GSK3A: variants seen among roughly 807,000 people sequenced by gnomAD.
GSK3A encodes glycogen synthase kinase-3 alpha.
GSK3A carries 14 observed loss-of-function variants against 56.6 expected under a neutral mutation model. That is an observed-to-expected ratio of 0.25 (90% CI 0.16 to 0.39). The LOEUF is 0.39. Among genes scored for constraint, GSK3A ranks in the 10% least tolerant of loss-of-function variants. GSK3A has a pLI of 1.00. For synonymous variants in GSK3A, 301 were observed against 285.0 expected, an observed-to-expected ratio of 1.06 and a Z score of -0.56; for missense variants, 450 against 656.0, an observed-to-expected ratio of 0.69 and a Z score of 3.43.
Position 42,238,408 on chromosome 19 carries a change from C to A in GSK3A, c.472-1467G>T, listed in dbSNP as rs2036271186. Among the ~76,000 whole-genome samples the A allele has an allele frequency of 2.7e-5, 4 of 149,262 alleles. No homozygotes were observed. The South Asian group carries it at 8.4e-4, about 32-fold the overall frequency. The stretch of plus-strand genomic sequence containing the variant: ...AAAAAAAAAAAAAAAAAAATAGAGA[C>A]CATCCTGGCTAACTCGGTGAAACCC... On this transcript the variant is annotated intron_variant, in intron 2 of 10. Coordinates refer to ENST00000222330, the MANE Select transcript of GSK3A (RefSeq NM_019884.3).
intron 4 of GSK3A, among the ~76,000 whole-genome samples, chr19:42,235,020 G>A (rs535995771): frequency 5.3e-5 from 8 of 152,186 alleles, no homozygotes; most frequent in African/African-American, 1.9e-4. Flanking sequence ...CCAGCTACTC[G>A]GGAGGCTGAG....
chr19:42,237,081 T>C, intron 2 of GSK3A, 140 bp from the exon 3 acceptor site: 1 of 679,400 alleles, frequency 1.5e-6, no homozygotes, highest in Non-Finnish European at 2.7e-6. Flanking sequence ...CCCCAATTCC[T>C]TGTCTCCAGA....
chr19:42,230,778 G>C lies in GSK3A; in HGVS notation c.*16C>G, dbSNP rs768175091. On this transcript the variant is annotated 3_prime_UTR_variant, in exon 11 of 11. Coordinates refer to ENST00000222330, the MANE Select transcript of GSK3A (RefSeq NM_019884.3). The stretch of plus-strand genomic sequence containing the variant: ...GGGGCTCCCAGATGGAAGTGGAAGG[G>C]TGCTTGGTGGGGCCCTCAGGAGGAG... 6.5e-7 allele frequency: 1 copy of C among 1,544,770 alleles called. No homozygotes were observed. Among genetic ancestry groups the C allele is most frequent in the Non-Finnish European group, 8.8e-7 (1 of 1,139,134 alleles).
Position 42,242,305 on chromosome 19 carries a change from C to A in GSK3A, c.161G>T (p.Gly54Val). The A allele has an allele frequency of 6.9e-7, 1 of 1,440,060 alleles. No individual in the cohort carries two copies. The highest frequency in any genetic ancestry group is 9.1e-7 in the Non-Finnish European group (1 of 1,103,014). The allele number at this position is 1,440,060 out of a possible 1,614,324, so 89.2% of individuals were successfully genotyped here. A position where few individuals can be genotyped will look rare whatever the true frequency, so the allele number is the denominator to read the frequency against. ...GGCCCCGACGCCCCCACCCATGGCCCCGACAGATGCCTTTCCGCCGCCGGT... is the reference window on the plus strand; with the variant it reads ...GGCCCCGACGCCCCCACCCATGGCCACGACAGATGCCTTTCCGCCGCCGGT... ...GGTGGGKASVGAMGGGVGASS... is the reference protein window; with the variant it reads ...GGTGGGKASVVAMGGGVGASS... The change falls in exon 1 of 11, where the codon GGG becomes GTG. Residue 54 changes from glycine (G) to valine (V), a missense_variant. This residue lies in a region of GSK3A where 193 missense variants were observed against 200.5 expected (regional missense o/e 0.96). Transcript: ENST00000222330.
At chr19:42,232,475 G>A in intron 9 of GSK3A, 21 bp downstream of exon 9, 1 of 1,612,312 alleles carries the variant, frequency 6.2e-7, no homozygotes. Context: ...CCACTCCCCA[G>A]ATCCCAGGCT....
chr19:42,240,267 C>A (rs1424305990), intron 1 of GSK3A, 125 bp from the exon 2 acceptor site: 9 of 828,122 alleles, frequency 1.1e-5, no homozygotes, highest in East Asian at 2.5e-5. Flanking sequence ...GTCCCCTCCT[C>A]CTCTTTGAGG....
intron 6 of GSK3A, among the ~76,000 whole-genome samples, chr19:42,233,643 T>C (rs1240142176): frequency 1.3e-5 from 2 of 152,160 alleles, no homozygotes; most frequent in African/African-American, 4.8e-5. Context: ...TCTCTCCCGC[T>C]AGCCTTGGAC....
chr19:42,235,644 A>G (rs977893094), intron 4 of GSK3A, among the ~76,000 whole-genome samples: 3 of 152,048 alleles, frequency 2.0e-5, no homozygotes, highest in Non-Finnish European at 4.4e-5. Flanking sequence ...CTTCTCACCC[A>G]CAAACCAGGC....
intron 6 of GSK3A, among the ~76,000 whole-genome samples, chr19:42,233,794 C>A (rs928597273): frequency 6.6e-6 from 1 of 152,176 alleles, no homozygotes; most frequent in Non-Finnish European, 1.5e-5. Context: ...GCGTGGCAGT[C>A]TCACCCCTCC....
Position 42,234,452 on chromosome 19 carries a change from G to C in GSK3A, c.805C>G (p.Gln269Glu), listed in dbSNP as rs2036243717. The C allele has an allele frequency of 6.2e-7, 1 of 1,613,992 alleles. No individual in the cohort carries two copies. The highest frequency in any genetic ancestry group is 1.1e-5 in the South Asian group (1 of 91,086). ...LKLCDFGSAK[Q>E]LVRGEPNVSY... ...ACATTGGGCTCCCCTCGGACCAACT[G>C]CTTTGCACTGTGGGAAGAGATGGGC... Residue 269 changes from glutamine (Q) to glutamate (E), a missense_variant, in exon 6 of 11, where the codon CAG becomes GAG. Around this residue, in one of 3 missense-constraint regions of GSK3A, gnomAD observed 144 missense variants for 308.0 expected, o/e 0.47. Transcript: ENST00000222330. This position sits in a 1 kb window ranked among gnomAD's most constrained non-coding sequence, Gnocchi z 5.7.
Position 42,233,154 on chromosome 19 carries a change from T to A in GSK3A, c.1054A>T (p.Thr352Ser). ...TTAATCTGAGGGAACTTGAACTCCG[T>A]GTAGTTGGGGTTCATCTCTCGGATT... is the stretch of plus-strand genomic sequence containing the variant. The part of the protein sequence containing the change: ...EQIREMNPNY[T>S]EFKFPQIKAH... Residue 352 changes from threonine (T) to serine (S), a missense_variant, in exon 8 of 11, where the codon ACG (threonine) becomes TCG (serine). This residue lies in a region of GSK3A where 144 missense variants were observed against 308.0 expected (regional missense o/e 0.47). Coordinates refer to ENST00000222330, the MANE Select transcript of GSK3A (RefSeq NM_019884.3). 6.2e-7 allele frequency: 1 copy of A among 1,609,176 alleles called. No individual in the cohort carries two copies. Among genetic ancestry groups the A allele is most frequent in the East Asian group, 2.2e-5 (1 of 44,832 alleles).
chr19:42,230,560 C>T lies in GSK3A; in HGVS notation c.*234G>A. ...CCAAGGGGGTAGGAGGTCCTCATCC[C>T]CCCAACACCCTGTCCTTCTCTTCCC... On this transcript the variant is annotated 3_prime_UTR_variant, in exon 11 of 11. Transcript: ENST00000222330. 1.7e-6 allele frequency: 1 copy of T among 572,720 alleles called. No individual in the cohort carries two copies. The highest frequency in any genetic ancestry group is 2.1e-5 in the South Asian group (1 of 47,858). 35.5% of individuals were successfully genotyped at this position (572,720 alleles called of 1,614,324 possible). A position where few individuals can be genotyped will look rare whatever the true frequency, so the allele number is the denominator to read the frequency against.
At position 42,232,520 on chromosome 19, in the gene GSK3A, G is replaced by A. The variant is rs2036230777; in HGVS notation, c.1261C>T (p.Pro421Ser). 3 of 1,614,050 alleles carry A rather than the reference G, an allele frequency of 1.9e-6. No homozygotes were observed. The highest frequency in any genetic ancestry group is 2.5e-6 in the Non-Finnish European group (3 of 1,180,028). ...TQLPNNRPLP[P>S]LFNFSAGELS... ...CCACCAGCACTGAAGTTGAAGAGAG[G>A]GGGAAGTGGGCGGTTGTTAGGCAGC... Residue 421 changes from proline to serine, a missense_variant, in exon 9 of 11, where the codon CCT becomes TCT. This residue lies in a region of GSK3A where 113 missense variants were observed against 147.5 expected (regional missense o/e 0.77). Coordinates refer to ENST00000222330, the MANE Select transcript of GSK3A (RefSeq NM_019884.3).
chr19:42,234,506 TC>T lies in GSK3A; in HGVS notation c.797+41del. 1 of 1,610,782 alleles carries T rather than the reference TC, an allele frequency of 6.2e-7. No homozygotes were observed. ...GGTACACGTGAGGCAAGGGTTGGGG[TC>T]CCCCCTGCCTCTTCAGCCACCCAAC... On this transcript the variant is annotated intron_variant, in intron 5 of 10. Transcript: ENST00000222330. This position sits in a 1 kb window ranked among gnomAD's most constrained non-coding sequence, Gnocchi z 5.7.
chr19:42,236,974 C>A (rs777187288), intron 2 of GSK3A, 33 bp from the exon 3 acceptor site: 1 of 1,440,214 alleles, frequency 6.9e-7, no homozygotes, highest in Non-Finnish European at 9.8e-7. Context: ...CAGAATACAA[C>A]CAACTCTCTC....
intron 6 of GSK3A, 39 bp from the exon 7 acceptor site, chr19:42,233,422 A>T (rs1242533225): frequency 3.0e-6 from 4 of 1,327,650 alleles, no homozygotes; most frequent in Non-Finnish European, 4.2e-6. Context: ...CTAGGCGAGT[A>T]GGGCCACCAA....
chr19:42,240,315 C>G, intron 1 of GSK3A, 173 bp from the exon 2 acceptor site: 1 of 625,766 alleles, frequency 1.6e-6, no homozygotes, highest in Middle Eastern at 4.2e-4. Context: ...GACTTTTCCC[C>G]TCTTCCTTTC....
At chr19:42,238,300 T>C (rs1242816124) in intron 2 of GSK3A, among the ~76,000 whole-genome samples, 1 of 150,482 alleles carries the variant, frequency 6.6e-6, no homozygotes, top group Non-Finnish European at 1.5e-5. Flanking sequence ...GTTGCAGCGC[T>C]TGAACCCAGG....
At chr19:42,239,929 C>G (rs573719934) in intron 2 of GSK3A, 26 bp downstream of exon 2, 1 of 1,605,480 alleles carries the variant, frequency 6.2e-7, no homozygotes, top group East Asian at 2.2e-5. Context: ...CCCCAAACCT[C>G]CCTGTCCCCA....
Sources: allele counts gnomAD v4.1 joint callset (sites outside exome capture counted in the v4.1 genomes callset), GRCh38; gene constraint gnomAD v4.1.1; regional missense constraint gnomAD v4.1.1; non-coding constraint Gnocchi (gnomAD v3.1); transcripts MANE v1.5; gene names NCBI Gene and HGNC (gene_info 2026-07-23, HGNC 2026-07-21).